Variants in MACROD2 observed in about 807,000 individuals in gnomAD.
MACROD2 encodes mono-ADP ribosylhydrolase 2.
In MACROD2, 36 loss-of-function variants were observed where a neutral mutation model predicts 70.4. That is an observed-to-expected ratio of 0.51 (90% CI 0.39 to 0.68). The LOEUF (loss-of-function observed/expected upper bound fraction) is 0.68. Ranked by LOEUF, MACROD2 falls within the 30% of genes least tolerant of loss-of-function variation. The pLI is 0.00. For synonymous variants in MACROD2, 172 were observed against 178.8 expected (o/e 0.96, Z 0.30); for missense variants, 496 against 538.4 (o/e 0.92, Z 0.78).
chr20:15,511,352 T>C (rs770398401), intron 8 of MACROD2, among the ~76,000 whole-genome samples: 4 of 152,230 alleles, frequency 2.6e-5, no homozygotes, highest in African/African-American at 4.8e-5. Flanking sequence ...TCTTTCTGCA[T>C]TGATGTGATG....
chr20:14,362,502 A>G (rs534371363), intron 3 of MACROD2, among the ~76,000 whole-genome samples: 4 of 152,240 alleles, frequency 2.6e-5, no homozygotes, highest in African/African-American at 9.6e-5. Context: ...CATTCCTACC[A>G]TTCATGCCTT....
intron 3 of MACROD2, among the ~76,000 whole-genome samples, chr20:14,317,813 T>C (rs2082626512): frequency 6.6e-6 from 1 of 152,132 alleles, no homozygotes; most frequent in Non-Finnish European, 1.5e-5. Context: ...AAAATAGGGA[T>C]AATAATTCCT....
chr20:15,215,429 C>A (rs1323896723), intron 5 of MACROD2, among the ~76,000 whole-genome samples: 1 of 151,862 alleles, frequency 6.6e-6, no homozygotes, highest in Non-Finnish European at 1.5e-5. Context: ...GAATACATTC[C>A]TTGTTAAAAT....
At chr20:14,626,488 C>T (rs1288014069) in intron 4 of MACROD2, among the ~76,000 whole-genome samples, 1 of 152,152 alleles carries the variant, frequency 6.6e-6, no homozygotes, top group Non-Finnish European at 1.5e-5. Flanking sequence ...TACCACCTCT[C>T]CTAGTCACCC....
intron 5 of MACROD2, among the ~76,000 whole-genome samples, chr20:14,697,717 T>G (rs777739662): frequency 2.6e-5 from 4 of 152,222 alleles, no homozygotes; most frequent in Non-Finnish European, 5.9e-5. Context: ...ATGTTTCTAT[T>G]TATTGTTCAT....
chr20:16,002,677 T>C (rs990303375), intron 15 of MACROD2, among the ~76,000 whole-genome samples: 14 of 152,124 alleles, frequency 9.2e-5, no homozygotes, highest in African/African-American at 2.4e-4. Flanking sequence ...AGAAGGAACA[T>C]AGCTCAGCTG....
At chr20:14,352,716 T>C (rs1406607822) in intron 3 of MACROD2, among the ~76,000 whole-genome samples, 1 of 152,156 alleles carries the variant, frequency 6.6e-6, no homozygotes, top group Non-Finnish European at 1.5e-5. Context: ...AAAGGATGTT[T>C]TCTTTTTCTT....
At chr20:14,013,404 C>G (rs1041554268) in intron 2 of MACROD2, among the ~76,000 whole-genome samples, 5 of 151,638 alleles carry the variant, frequency 3.3e-5, no homozygotes, top group Admixed American at 2.0e-4. Context: ...TCCCGAGTAG[C>G]TAGGACTACA....
intron 15 of MACROD2, among the ~76,000 whole-genome samples, chr20:16,023,804 G>A (rs1482015874): frequency 1.3e-5 from 2 of 152,236 alleles, no homozygotes; most frequent in South Asian, 2.1e-4. Flanking sequence ...TTTGTCTGGG[G>A]GTGGGGCGAG....
At chr20:14,736,015 C>G (rs369762285) in intron 5 of MACROD2, among the ~76,000 whole-genome samples, 61 of 152,160 alleles carry the variant, frequency 4.0e-4, no homozygotes, top group African/African-American at 1.1e-3. Flanking sequence ...CAAACAAAAA[C>G]TTGTACACAA....
intron 2 of MACROD2, among the ~76,000 whole-genome samples, chr20:14,040,412 A>C (rs2053376075): frequency 1.3e-5 from 2 of 152,218 alleles, no homozygotes; most frequent in South Asian, 4.1e-4. Context: ...TGTTCTTTTA[A>C]AAATTATATT....
At chr20:15,543,152 G>A (rs1400525573) in intron 8 of MACROD2, among the ~76,000 whole-genome samples, 1 of 152,166 alleles carries the variant, frequency 6.6e-6, no homozygotes, top group East Asian at 1.9e-4. Flanking sequence ...ATCCTTTGGA[G>A]TTTTAGAATG....
chr20:15,066,967 A>G (rs1195725169), intron 5 of MACROD2, among the ~76,000 whole-genome samples: 1 of 152,136 alleles, frequency 6.6e-6, no homozygotes, highest in African/African-American at 2.4e-5. Context: ...ATGAATAACA[A>G]TCATATACTA....
At chr20:15,314,588 A>T (rs938822896) in intron 6 of MACROD2, among the ~76,000 whole-genome samples, 2 of 152,218 alleles carry the variant, frequency 1.3e-5, no homozygotes, top group Non-Finnish European at 2.9e-5. Context: ...GACTTTATCT[A>T]TTCAAACAAA....
chr20:15,384,661 A>G (rs1271330302), intron 6 of MACROD2, among the ~76,000 whole-genome samples: 2 of 152,196 alleles, frequency 1.3e-5, no homozygotes, highest in Admixed American at 1.3e-4. Context: ...CGGCTGGGTC[A>G]GGGCACATAC....
intron 3 of MACROD2, among the ~76,000 whole-genome samples, chr20:14,456,259 A>C (rs2084300996): frequency 6.6e-6 from 1 of 151,864 alleles, no homozygotes; most frequent in African/African-American, 2.4e-5. Flanking sequence ...GGAGTGAATA[A>C]GGTTACGCAT....
intron 3 of MACROD2, among the ~76,000 whole-genome samples, chr20:14,366,869 T>C (rs2083277840): frequency 6.6e-6 from 1 of 152,178 alleles, no homozygotes; most frequent in South Asian, 2.1e-4. Context: ...TCTAGCTTTT[T>C]GTTGGAGAGT....
chr20:15,527,646 C>G (rs961043680), intron 8 of MACROD2, among the ~76,000 whole-genome samples: 5 of 152,180 alleles, frequency 3.3e-5, no homozygotes, highest in African/African-American at 1.2e-4. Context: ...CAGTGTAAGG[C>G]TTCAGAATGA....
chr20:14,250,522 C>T (rs955948651), intron 3 of MACROD2, among the ~76,000 whole-genome samples: 1 of 152,186 alleles, frequency 6.6e-6, no homozygotes, highest in Admixed American at 6.5e-5. Context: ...AGTAGAGTGT[C>T]TAGGTCAGGA....
Sources: gnomAD v4.1 joint callset for allele counts (sites outside exome capture counted in the v4.1 genomes callset) on GRCh38, gnomAD v4.1.1 for gene constraint, MANE v1.5 for transcripts, NCBI Gene and HGNC (gene_info 2026-07-23, HGNC 2026-07-21) for gene names.